CNTNAP2: variants seen among roughly 807,000 people sequenced by gnomAD.
CNTNAP2 encodes the protein contactin-associated protein-like 2.
A neutral mutation model predicts 155.2 loss-of-function variants in CNTNAP2; 98 were observed. The ratio of observed to expected loss-of-function variants is 0.63; its 90% CI spans 0.54 to 0.75. The LOEUF (loss-of-function observed/expected upper bound fraction) is 0.75, where lower values mean the gene tolerates loss of function less well. CNTNAP2 is among the 30% of genes least tolerant of loss of function. CNTNAP2 has a pLI of 0.00. For missense variants in CNTNAP2, 1,727 were observed against 1,688.1 expected, an observed-to-expected ratio of 1.02 and a Z score of -0.40; for synonymous variants, 651 against 631.2, an observed-to-expected ratio of 1.03 and a Z score of -0.47.
chr7:147,589,138 G>C (rs1800691074), intron 12 of CNTNAP2, among the ~76,000 whole-genome samples: 1 of 152,072 alleles, frequency 6.6e-6, no homozygotes, highest in Admixed American at 6.6e-5. Flanking sequence ...ATTTAGTATT[G>C]AATGTTTCCT....
chr7:147,928,138 G>T lies in CNTNAP2; in HGVS notation c.2255+24417G>T, dbSNP rs1477068099. ...TATCTTGCCTGCCACCATGTAAGAT[G>T]TGCCTTTCACCTTCCACCGTGATTG... On this transcript the variant is annotated intron_variant, in intron 14 of 23. Coordinates refer to ENST00000361727, the MANE Select transcript of CNTNAP2 (RefSeq NM_014141.6). Among the ~76,000 whole-genome samples, 11 of 152,114 alleles carry T rather than the reference G, an allele frequency of 7.2e-5. No individual in the cohort carries two copies. In the South Asian group the frequency reaches 1.0e-3, roughly 14 times the overall value.
chr7:147,133,446 C>T (rs1178999287), intron 8 of CNTNAP2, among the ~76,000 whole-genome samples: 1 of 151,962 alleles, frequency 6.6e-6, no homozygotes, highest in Non-Finnish European at 1.5e-5. Context: ...ACTCTGATTT[C>T]TGAATATGCC....
chr7:147,200,404 A>G (rs1257382787), intron 8 of CNTNAP2, among the ~76,000 whole-genome samples: 2 of 152,098 alleles, frequency 1.3e-5, no homozygotes, highest in Admixed American at 1.3e-4. Context: ...GAATATCAAC[A>G]TTTTCATGGA....
Position 148,066,646 on chromosome 7 carries a change from C to T in CNTNAP2, c.2384-51472C>T, listed in dbSNP as rs539027628. Among the ~76,000 whole-genome samples the T allele has an allele frequency of 1.6e-4, 25 of 152,044 alleles. No individual in the cohort carries two copies. In the South Asian group the frequency reaches 5.0e-3, roughly 30 times the overall value. On this transcript the variant is annotated intron_variant, in intron 15 of 23. Coordinates refer to ENST00000361727, the MANE Select transcript of CNTNAP2 (RefSeq NM_014141.6). ...CCGAGTAGCTGGGACTACAGGCGCCCACCACCACACCCAGCTAATTTTTTT... is the reference window on the plus strand; with the variant it reads ...CCGAGTAGCTGGGACTACAGGCGCCTACCACCACACCCAGCTAATTTTTTT...
chr7:147,788,900 C>CTTTTTTT (rs11440955), intron 13 of CNTNAP2, among the ~76,000 whole-genome samples: 584 of 100,708 alleles, frequency 5.8e-3, no homozygotes, highest in African/African-American at 0.015. Flanking sequence ...TTTTCTTTTT[C>CTTTTTTT]TTTTTTTTTT....
chr7:146,379,011 C>G (rs1307284542), intron 1 of CNTNAP2, among the ~76,000 whole-genome samples: 1 of 152,256 alleles, frequency 6.6e-6, no homozygotes, highest in African/African-American at 2.4e-5. Flanking sequence ...GAGCCCTGCT[C>G]TTCGCAGAGA....
intron 1 of CNTNAP2, among the ~76,000 whole-genome samples, chr7:146,228,260 A>T (rs1799328248): frequency 6.6e-6 from 1 of 152,224 alleles, no homozygotes. Context: ...AAACACTTTC[A>T]TTAGTGGCCT....
At chr7:147,192,310 C>G (rs777063675) in intron 8 of CNTNAP2, among the ~76,000 whole-genome samples, 4 of 140,670 alleles carry the variant, frequency 2.8e-5, no homozygotes, top group Non-Finnish European at 4.7e-5. Context: ...AAGAAGTGAT[C>G]CTTCTCTTTT....
At chr7:147,560,195 A>T (rs1414744202) in intron 11 of CNTNAP2, among the ~76,000 whole-genome samples, 1 of 147,680 alleles carries the variant, frequency 6.8e-6, no homozygotes, top group Non-Finnish European at 1.5e-5. Flanking sequence ...AAAAAAATTG[A>T]ATCAGTCCTA....
At chr7:148,115,184 G>C (rs1804440843) in intron 15 of CNTNAP2, among the ~76,000 whole-genome samples, 1 of 152,234 alleles carries the variant, frequency 6.6e-6, no homozygotes, top group Non-Finnish European at 1.5e-5. Flanking sequence ...GTGGTCTATA[G>C]AGATATTTCA....
chr7:146,261,377 C>A (rs1052236532), intron 1 of CNTNAP2, among the ~76,000 whole-genome samples: 3 of 151,590 alleles, frequency 2.0e-5, no homozygotes, highest in Non-Finnish European at 2.9e-5. Context: ...GAACTAGCCC[C>A]TTCTGCTTGC....
At chr7:146,217,841 A>G (rs759854500) in intron 1 of CNTNAP2, among the ~76,000 whole-genome samples, 1 of 152,160 alleles carries the variant, frequency 6.6e-6, no homozygotes, top group Non-Finnish European at 1.5e-5. Flanking sequence ...TTGTCAAAAC[A>G]TATTCGGTGG....
intron 12 of CNTNAP2, among the ~76,000 whole-genome samples, chr7:147,581,896 G>A (rs7805615): frequency 0.69 from 105,570 of 152,028 alleles, 37,296 homozygotes; most frequent in African/African-American, 0.82. Context: ...GTAAGGGCCT[G>A]CCTATTTATA....
At chr7:147,919,521 C>A (rs1400033422) in intron 14 of CNTNAP2, among the ~76,000 whole-genome samples, 4 of 138,032 alleles carry the variant, frequency 2.9e-5, no homozygotes, top group Non-Finnish European at 4.6e-5. Context: ...TGCAGTGGCG[C>A]AATCTCTGCT....
chr7:147,354,596 T>C (rs1796030358), intron 9 of CNTNAP2, among the ~76,000 whole-genome samples: 1 of 152,158 alleles, frequency 6.6e-6, no homozygotes, highest in Admixed American at 6.5e-5. Flanking sequence ...CTCTTTTTGC[T>C]TAGAATTGTC....
Position 146,303,655 on chromosome 7 carries a change from C to A in CNTNAP2, c.97+186682C>A, listed in dbSNP as rs537862209. Among the ~76,000 whole-genome samples the A allele has an allele frequency of 1.4e-3, 212 of 152,152 alleles. 1 individual carries two copies. Among genetic ancestry groups the A allele is most frequent in the Non-Finnish European group, 2.6e-3 (178 of 67,994 alleles). ...GAGACAGTTTGTTATAATTTCTGTT[C>A]TTTTACATTTGCTTAGGAGTGCTTT... is the stretch of plus-strand genomic sequence containing the variant. On this transcript the variant is annotated intron_variant, in intron 1 of 23. Transcript: ENST00000361727.
intron 14 of CNTNAP2, among the ~76,000 whole-genome samples, chr7:147,959,682 C>T (rs1801082940): frequency 6.6e-6 from 1 of 152,102 alleles, no homozygotes; most frequent in Non-Finnish European, 1.5e-5. Flanking sequence ...TTGGGGTCAT[C>T]AGGTCATTGC....
chr7:147,394,495 G>C (rs947271438), intron 9 of CNTNAP2, among the ~76,000 whole-genome samples: 1 of 151,984 alleles, frequency 6.6e-6, no homozygotes, highest in African/African-American at 2.4e-5. Flanking sequence ...AATAACTTCA[G>C]ATTTGCAAGC....
At chr7:148,305,993 T>C (rs1486144030) in intron 21 of CNTNAP2, among the ~76,000 whole-genome samples, 1 of 146,330 alleles carries the variant, frequency 6.8e-6, no homozygotes, top group African/African-American at 2.5e-5. Context: ...GCCATCCTTC[T>C]GTAGCTTCCT....
Sources: gnomAD v4.1 joint callset for allele counts (sites outside exome capture counted in the v4.1 genomes callset) on GRCh38, gnomAD v4.1.1 for gene constraint, MANE v1.5 for transcripts, NCBI Gene and HGNC (gene_info 2026-07-23, HGNC 2026-07-21) for gene names.